Variants in MACROD2 observed in about 807,000 individuals in gnomAD.
MACROD2 encodes ADP-ribose glycohydrolase MACROD2.
MACROD2 carries 36 observed loss-of-function variants against 70.4 expected under a neutral mutation model. That is an observed-to-expected ratio of 0.51 (90% CI 0.39 to 0.68). The LOEUF (loss-of-function observed/expected upper bound fraction) is 0.68. MACROD2 is among the 30% of genes least tolerant of loss of function. The pLI is 0.00. For missense variants in MACROD2, 496 were observed against 538.4 expected (o/e 0.92, Z 0.78); for synonymous variants, 172 against 178.8 (o/e 0.96, Z 0.30).
At chr20:14,067,832 G>A (rs1260761266) in intron 2 of MACROD2, among the ~76,000 whole-genome samples, 1 of 152,152 alleles carries the variant, frequency 6.6e-6, no homozygotes, top group African/African-American at 2.4e-5. Context: ...AGTTTGCACA[G>A]TGACTCAGCA....
chr20:15,263,740 T>G (rs1234139162), intron 6 of MACROD2, among the ~76,000 whole-genome samples: 1 of 152,112 alleles, frequency 6.6e-6, no homozygotes, highest in Non-Finnish European at 1.5e-5. Context: ...ATTGTAGAGA[T>G]CTTTCACTTC....
At chr20:14,045,574 C>T (rs1292014956) in intron 2 of MACROD2, among the ~76,000 whole-genome samples, 1 of 152,144 alleles carries the variant, frequency 6.6e-6, no homozygotes, top group African/African-American at 2.4e-5. Context: ...GAGGGATGCT[C>T]CTTCAGGTAT....
At chr20:14,320,499 G>A (rs2122545685) in intron 3 of MACROD2, among the ~76,000 whole-genome samples, 1 of 152,122 alleles carries the variant, frequency 6.6e-6, no homozygotes, top group South Asian at 2.1e-4. Flanking sequence ...GAATATCAAT[G>A]CAGACTTCTC....
At chr20:15,695,199 A>G (rs980715733) in intron 8 of MACROD2, among the ~76,000 whole-genome samples, 12 of 152,144 alleles carry the variant, frequency 7.9e-5, no homozygotes, top group African/African-American at 2.6e-4. Flanking sequence ...TTGGCTATGC[A>G]GGCTCATTTT....
intron 5 of MACROD2, among the ~76,000 whole-genome samples, chr20:14,957,335 T>C (rs1358653096): frequency 1.3e-5 from 2 of 152,174 alleles, no homozygotes; most frequent in Non-Finnish European, 2.9e-5. Context: ...TATGTAATAC[T>C]GAAAAGGAGA....
At chr20:14,576,474 G>T (rs867079461) in intron 4 of MACROD2, among the ~76,000 whole-genome samples, 5 of 152,152 alleles carry the variant, frequency 3.3e-5, no homozygotes, top group Non-Finnish European at 4.4e-5. Flanking sequence ...TGGATTGAAA[G>T]TGTAACTGCC....
At chr20:14,502,857 T>C (rs1186904580) in intron 4 of MACROD2, among the ~76,000 whole-genome samples, 2 of 152,180 alleles carry the variant, frequency 1.3e-5, no homozygotes, top group East Asian at 3.9e-4. Context: ...CAAATATGGA[T>C]AGAGGAATAT....
chr20:15,084,075 T>TG (rs1568564986), intron 5 of MACROD2, among the ~76,000 whole-genome samples: 28 of 50,184 alleles, frequency 5.6e-4, no homozygotes, highest in South Asian at 2.6e-3. Flanking sequence ...TTTTTTTGTT[T>TG]TTTTTTTTTA....
intron 8 of MACROD2, among the ~76,000 whole-genome samples, chr20:15,838,101 T>A (rs1349830159): frequency 6.6e-6 from 1 of 152,164 alleles, no homozygotes; most frequent in Non-Finnish European, 1.5e-5. Context: ...CTACTCAGGT[T>A]AATTTTCTTG....
chr20:14,656,022 C>T (rs1985956575), intron 4 of MACROD2, among the ~76,000 whole-genome samples: 1 of 152,138 alleles, frequency 6.6e-6, no homozygotes, highest in African/African-American at 2.4e-5. Context: ...ATGAGCAAAT[C>T]AAGGACCAGA....
At chr20:15,287,188 T>A (rs896914767) in intron 6 of MACROD2, among the ~76,000 whole-genome samples, 2 of 152,132 alleles carry the variant, frequency 1.3e-5, no homozygotes, top group African/African-American at 4.8e-5. Context: ...AAAAGTTAGA[T>A]CCTATCAATA....
At chr20:14,439,798 A>C (rs1001310253) in intron 3 of MACROD2, among the ~76,000 whole-genome samples, 3 of 152,214 alleles carry the variant, frequency 2.0e-5, no homozygotes, top group African/African-American at 7.2e-5. Context: ...AGTTCTGCAA[A>C]TTAATTAATG....
Position 15,659,065 on chromosome 20 carries a change from T to A in MACROD2, c.645+159218T>A, listed in dbSNP as rs558624799. Among the ~76,000 whole-genome samples the A allele has an allele frequency of 7.9e-5, 12 of 152,258 alleles. No individual in the cohort carries two copies. In the South Asian group the frequency reaches 2.5e-3, roughly 32 times the overall value. On this transcript the variant is annotated intron_variant, in intron 8 of 17. Transcript: ENST00000684519. ...ATATGTAAAATCTAGTCTAATAGGT[T>A]TTGGGAGGATGGAATATAGTGAGAT... is the stretch of plus-strand genomic sequence containing the variant.
intron 6 of MACROD2, among the ~76,000 whole-genome samples, chr20:15,261,354 A>T (rs1474188938): frequency 6.6e-6 from 1 of 151,986 alleles, no homozygotes; most frequent in African/African-American, 2.4e-5. Flanking sequence ...TATCAATAAT[A>T]GTTGTTTAAC....
intron 3 of MACROD2, among the ~76,000 whole-genome samples, chr20:14,427,091 C>G (rs2083942580): frequency 6.6e-6 from 1 of 152,020 alleles, no homozygotes; most frequent in Non-Finnish European, 1.5e-5. Context: ...ACATCATGGA[C>G]TCAATTATTC....
At chr20:15,255,588 CATA>C (rs1334058316) in intron 6 of MACROD2, among the ~76,000 whole-genome samples, 1 of 152,062 alleles carries the variant, frequency 6.6e-6, no homozygotes, top group Non-Finnish European at 1.5e-5. Context: ...GAGTTGATAA[CATA>C]AGAGCTCTGG....
chr20:15,176,612 C>CCACT (rs2076464166), intron 5 of MACROD2, among the ~76,000 whole-genome samples: 7 of 152,158 alleles, frequency 4.6e-5, no homozygotes, highest in Admixed American at 4.6e-4. Flanking sequence ...TTCGGGTCTC[C>CCACT]TGAGGGCTGT....
At chr20:14,120,321 G>A (rs2054570664) in intron 3 of MACROD2, among the ~76,000 whole-genome samples, 2 of 152,104 alleles carry the variant, frequency 1.3e-5, no homozygotes, top group South Asian at 4.2e-4. Flanking sequence ...ACCACACTGG[G>A]AGACCATCTC....
intron 3 of MACROD2, among the ~76,000 whole-genome samples, chr20:14,393,925 C>T (rs147109907): frequency 2.6e-4 from 40 of 152,250 alleles, no homozygotes; most frequent in African/African-American, 9.1e-4. Flanking sequence ...TCCTTCTCTA[C>T]CATATGAGGA....
Sources: allele counts gnomAD v4.1 joint callset (sites outside exome capture counted in the v4.1 genomes callset), GRCh38; gene constraint gnomAD v4.1.1; transcripts MANE v1.5; gene names NCBI Gene and HGNC (gene_info 2026-07-23, HGNC 2026-07-21).